The following TBC1D32 variants were observed in gnomAD, a reference collection of about 807,000 sequenced individuals.
TBC1D32 encodes the protein TBC1 domain family member 32, also known as protein broad-minded.
TBC1D32 carries 151 observed loss-of-function variants against 170.3 expected under a neutral mutation model. The observed-to-expected ratio is 0.89, with a 90% CI of 0.78 to 1.01. The LOEUF (loss-of-function observed/expected upper bound fraction) is 1.01, where lower values mean the gene tolerates loss of function less well. Among genes scored for constraint, TBC1D32 ranks in the 50% least tolerant of loss-of-function variants. The pLI is 0.00. For synonymous variants in TBC1D32, 498 were observed against 488.0 expected (o/e 1.02, Z -0.27); for missense variants, 1,464 against 1,457.1 (o/e 1.00, Z -0.08).
At chr6:121,128,986 T>A (rs1188734572) in intron 25 of TBC1D32, among the ~76,000 whole-genome samples, 2 of 152,160 alleles carry the variant, frequency 1.3e-5, no homozygotes, top group East Asian at 3.8e-4. Context: ...TTCCCTGTAT[T>A]TCACCATGTG....
intron 19 of TBC1D32, among the ~76,000 whole-genome samples, chr6:121,239,897 G>A (rs1298259900): frequency 6.6e-6 from 1 of 152,096 alleles, no homozygotes; most frequent in Admixed American, 6.6e-5. Flanking sequence ...ATCAGAAAGG[G>A]TCTTCTGGTA....
At chr6:121,138,902 T>C (rs921658410) in intron 24 of TBC1D32, among the ~76,000 whole-genome samples, 3 of 151,688 alleles carry the variant, frequency 2.0e-5, no homozygotes, top group Non-Finnish European at 2.9e-5. Context: ...TGGAGTGCAG[T>C]AGAGCAATCT....
intron 9 of TBC1D32, 38 bp from the exon 10 acceptor site, chr6:121,299,543 G>A: frequency 1.4e-6 from 2 of 1,464,826 alleles, no homozygotes; most frequent in Non-Finnish European, 9.2e-7. Context: ...TACTCAAGCT[G>A]TGCCACTCAA....
intron 24 of TBC1D32, among the ~76,000 whole-genome samples, chr6:121,134,451 A>C (rs1290970331): frequency 6.6e-6 from 1 of 152,152 alleles, no homozygotes; most frequent in Non-Finnish European, 1.5e-5. Flanking sequence ...GCACCGAGGC[A>C]GCAGATGTGG....
rs753853569 is a variant in TBC1D32, at chr6:121,113,058, A to G, written c.3169+4T>C. On this transcript the variant is annotated splice_donor_region_variant and intron_variant, in intron 28 of 31. Transcript: ENST00000398212. ...GCTATTGTGAATATACTCAAAAAGGATATGAAGAGAAGATTTTATGGAAGT... is the reference window on the plus strand; with the variant it reads ...GCTATTGTGAATATACTCAAAAAGGGTATGAAGAGAAGATTTTATGGAAGT... 6 of 1,598,564 alleles carry G rather than the reference A, an allele frequency of 3.8e-6. No individual in the cohort carries two copies. Among genetic ancestry groups the G allele is most frequent in the South Asian group, 2.3e-5 (2 of 88,712 alleles).
At chr6:121,293,621 TAC>T (rs1805189219) in intron 11 of TBC1D32, among the ~76,000 whole-genome samples, 1 of 152,130 alleles carries the variant, frequency 6.6e-6, no homozygotes, top group Admixed American at 6.5e-5. Flanking sequence ...AAATTTAAAA[TAC>T]AGTTTCTGCA....
chr6:121,213,754 A>T (rs1793453538), intron 21 of TBC1D32, among the ~76,000 whole-genome samples: 2 of 151,958 alleles, frequency 1.3e-5, no homozygotes, highest in South Asian at 4.1e-4. Context: ...ATTCCTATCA[A>T]ACTAACAATG....
intron 15 of TBC1D32, among the ~76,000 whole-genome samples, chr6:121,276,961 G>A (rs1002547701): frequency 6.6e-6 from 1 of 152,120 alleles, no homozygotes; most frequent in Non-Finnish European, 1.5e-5. Context: ...TAATATAGCT[G>A]GAGCTTTCAA....
intron 15 of TBC1D32, among the ~76,000 whole-genome samples, chr6:121,276,647 T>C (rs1004546841): frequency 1.3e-5 from 2 of 149,562 alleles, no homozygotes; most frequent in East Asian, 3.9e-4. Flanking sequence ...ATGTTGTCTA[T>C]AAAAATCCCA....
chr6:121,172,025 C>T (rs774620117), intron 22 of TBC1D32, among the ~76,000 whole-genome samples: 1 of 151,862 alleles, frequency 6.6e-6, no homozygotes, highest in Non-Finnish European at 1.5e-5. Context: ...TGAAGGGCAG[C>T]CAAAGGCAGT....
intron 17 of TBC1D32, among the ~76,000 whole-genome samples, chr6:121,251,183 A>T (rs756888402): frequency 2.6e-5 from 4 of 152,152 alleles, no homozygotes; most frequent in Non-Finnish European, 5.9e-5. Context: ...TGCTATTCCC[A>T]TCAAGCTACC....
At chr6:121,190,068 A>G (rs1198256725) in intron 22 of TBC1D32, among the ~76,000 whole-genome samples, 2 of 98,382 alleles carry the variant, frequency 2.0e-5, no homozygotes, top group South Asian at 3.5e-4. Flanking sequence ...TCCTAGCCCA[A>G]TACAGACACA....
intron 17 of TBC1D32, among the ~76,000 whole-genome samples, chr6:121,251,779 T>A (rs1354636335): frequency 2.0e-5 from 3 of 152,252 alleles, no homozygotes; most frequent in East Asian, 1.9e-4. Flanking sequence ...ACCTACAGAA[T>A]GGGAGAAAAT....
At chr6:121,276,077 G>A (rs1160014174) in intron 15 of TBC1D32, among the ~76,000 whole-genome samples, 1 of 145,046 alleles carries the variant, frequency 6.9e-6, no homozygotes, top group Non-Finnish European at 1.5e-5. Flanking sequence ...CCGAGTTCAC[G>A]CCACAGCACT....
chr6:121,170,020 G>C (rs1196114639), intron 22 of TBC1D32, among the ~76,000 whole-genome samples: 4 of 151,932 alleles, frequency 2.6e-5, no homozygotes, highest in Non-Finnish European at 5.9e-5. Context: ...TTGTTCAATG[G>C]GTCATCTTAC....
intron 5 of TBC1D32, among the ~76,000 whole-genome samples, chr6:121,306,883 T>C (rs1258661041): frequency 1.3e-5 from 2 of 152,218 alleles, no homozygotes; most frequent in East Asian, 3.8e-4. Flanking sequence ...AATCTCAACA[T>C]TAGTTTTCTA....
chr6:121,294,029 C>CA (rs1260474138), intron 11 of TBC1D32, among the ~76,000 whole-genome samples: 13 of 150,608 alleles, frequency 8.6e-5, no homozygotes, highest in Middle Eastern at 3.4e-3. Context: ...CATTGGAATG[C>CA]AAAAAAAAGA....
At chr6:121,215,389 G>C (rs766941414) in intron 21 of TBC1D32, among the ~76,000 whole-genome samples, 10 of 152,218 alleles carry the variant, frequency 6.6e-5, no homozygotes, top group Non-Finnish European at 1.5e-4. Context: ...TGCAGGCCCA[G>C]CCTTGTCTTC....
chr6:121,159,500 T>C (rs1785334940), intron 24 of TBC1D32, among the ~76,000 whole-genome samples: 1 of 152,158 alleles, frequency 6.6e-6, no homozygotes, highest in Non-Finnish European at 1.5e-5. Flanking sequence ...CAAATAGTCA[T>C]GCATTGCTTA....
Sources: allele counts gnomAD v4.1 joint callset (sites outside exome capture counted in the v4.1 genomes callset), GRCh38; gene constraint gnomAD v4.1.1; transcripts MANE v1.5; gene names NCBI Gene and HGNC (gene_info 2026-07-23, HGNC 2026-07-21).